The following LRFN5 variants were observed in gnomAD, a reference collection of about 807,000 sequenced individuals.
LRFN5 encodes leucine-rich repeat and fibronectin type-III domain-containing protein 5.
LRFN5 carries 24 observed loss-of-function variants against 45.6 expected under a neutral mutation model. The observed-to-expected ratio is 0.53, with a 90% CI of 0.38 to 0.74. The LOEUF (loss-of-function observed/expected upper bound fraction) is 0.74, where lower values mean the gene tolerates loss of function less well. LRFN5 is among the 30% of genes least tolerant of loss of function. LRFN5 has a pLI of 0.00. For synonymous variants in LRFN5, 340 were observed against 313.8 expected (o/e 1.08, Z -0.88); for missense variants, 776 against 861.5 (o/e 0.90, Z 1.24).
intron 1 of LRFN5, among the ~76,000 whole-genome samples, chr14:41,650,629 C>T (rs972675320): frequency 3.3e-5 from 5 of 151,934 alleles, no homozygotes; most frequent in African/African-American, 1.2e-4. Context: ...ATTGAATAAT[C>T]TCTTTTAAGG....
chr14:41,710,213 A>G (rs1883226399), intron 1 of LRFN5, among the ~76,000 whole-genome samples: 1 of 152,204 alleles, frequency 6.6e-6, no homozygotes, highest in African/African-American at 2.4e-5. Flanking sequence ...GCAAGAAAGT[A>G]TCAATACATT....
intron 1 of LRFN5, among the ~76,000 whole-genome samples, chr14:41,705,906 G>A (rs965820528): frequency 2.0e-5 from 3 of 152,166 alleles, no homozygotes; most frequent in African/African-American, 2.4e-5. Flanking sequence ...TGTGTTCAAC[G>A]TATACACATT....
chr14:41,622,245 A>C (rs1054533370), intron 1 of LRFN5, among the ~76,000 whole-genome samples: 1 of 151,926 alleles, frequency 6.6e-6, no homozygotes, highest in African/African-American at 2.4e-5. Context: ...TGGTTTGATA[A>C]TTAGTGTTTC....
intron 2 of LRFN5, among the ~76,000 whole-genome samples, chr14:41,775,378 C>A (rs1886252127): frequency 6.6e-6 from 1 of 152,090 alleles, no homozygotes; most frequent in Non-Finnish European, 1.5e-5. Context: ...CAAGCCACCG[C>A]ACCCGGCAGT....
chr14:41,658,823 A>G (rs1880495598), intron 1 of LRFN5, among the ~76,000 whole-genome samples: 1 of 151,938 alleles, frequency 6.6e-6, no homozygotes, highest in East Asian at 1.9e-4. Flanking sequence ...TAATATGTGT[A>G]ATTTTTATTA....
intron 1 of LRFN5, among the ~76,000 whole-genome samples, chr14:41,732,923 A>G (rs972779417): frequency 6.9e-6 from 1 of 145,486 alleles, no homozygotes; most frequent in Admixed American, 7.0e-5. Flanking sequence ...CTTATAGCTA[A>G]AAAGTACCAG....
chr14:41,784,715 G>A (rs748276074), intron 2 of LRFN5, among the ~76,000 whole-genome samples: 3 of 151,882 alleles, frequency 2.0e-5, no homozygotes, highest in Non-Finnish European at 2.9e-5. Context: ...TGTAAGCTTC[G>A]CCTCCTGGGT....
chr14:41,781,248 G>A (rs947864500), intron 2 of LRFN5, among the ~76,000 whole-genome samples: 5 of 152,060 alleles, frequency 3.3e-5, no homozygotes, highest in Non-Finnish European at 7.4e-5. Flanking sequence ...AAGGCCAAGT[G>A]TGTTGGTTCA....
chr14:41,847,652 T>C (rs1889116330), intron 2 of LRFN5, among the ~76,000 whole-genome samples: 1 of 152,060 alleles, frequency 6.6e-6, no homozygotes, highest in Non-Finnish European at 1.5e-5. Context: ...GATGAGAAAA[T>C]CAAAGTGAAG....
At chr14:41,712,997 G>A (rs1358092800) in intron 1 of LRFN5, among the ~76,000 whole-genome samples, 1 of 151,966 alleles carries the variant, frequency 6.6e-6, no homozygotes, top group African/African-American at 2.4e-5. Context: ...GAAAATAAAA[G>A]CCTGTGGTAT....
chr14:41,759,103 A>G (rs892763118), intron 1 of LRFN5, among the ~76,000 whole-genome samples: 1 of 152,098 alleles, frequency 6.6e-6, no homozygotes, highest in South Asian at 2.1e-4. Flanking sequence ...TTAGGATGGT[A>G]CATTTTAAAG....
At chr14:41,780,572 T>C (rs1423336981) in intron 2 of LRFN5, among the ~76,000 whole-genome samples, 1 of 150,328 alleles carries the variant, frequency 6.7e-6, no homozygotes, top group Non-Finnish European at 1.5e-5. Context: ...GTGTTCTTAA[T>C]TTAAAGTGGG....
At chr14:41,619,028 G>A (rs539679915) in intron 1 of LRFN5, among the ~76,000 whole-genome samples, 1 of 122,100 alleles carries the variant, frequency 8.2e-6, no homozygotes, top group East Asian at 2.5e-4. Flanking sequence ...TCTCTGAAAA[G>A]GTTTTCCTCT....
chr14:41,612,520 G>A (rs1887791329), intron 1 of LRFN5, among the ~76,000 whole-genome samples: 1 of 152,136 alleles, frequency 6.6e-6, no homozygotes, highest in African/African-American at 2.4e-5. Flanking sequence ...CCTTATAGGT[G>A]TGAGAGCCCC....
chr14:41,904,366 T>C lies in LRFN5; in HGVS notation c.*191T>C. The C allele has an allele frequency of 3.6e-6, 2 of 551,828 alleles. No individual in the cohort carries two copies. The highest frequency in any genetic ancestry group is 6.0e-6 in the Non-Finnish European group (2 of 331,468). The allele number at this position is 551,828 out of a possible 1,614,324, so 34.2% of individuals were successfully genotyped here. On this transcript the variant is annotated 3_prime_UTR_variant, in exon 6 of 6. Coordinates refer to ENST00000298119, the MANE Select transcript of LRFN5 (RefSeq NM_152447.5). The stretch of plus-strand genomic sequence containing the variant: ...CTCCATTAGACCATGGTTCATCCTC[T>C]TTTAAAACCAAATTTTTTTTTCTTC...
At chr14:41,815,295 C>G (rs951019026) in intron 2 of LRFN5, among the ~76,000 whole-genome samples, 4 of 151,864 alleles carry the variant, frequency 2.6e-5, no homozygotes, top group Admixed American at 6.6e-5. Flanking sequence ...GTGTAATGCC[C>G]CTCTTTATAT....
chr14:41,674,928 T>G (rs1162872289), intron 1 of LRFN5, among the ~76,000 whole-genome samples: 2 of 145,982 alleles, frequency 1.4e-5, no homozygotes, highest in Admixed American at 1.4e-4. Context: ...CCAGACGGGG[T>G]CGCGGCCGGG....
chr14:41,849,729 C>A (rs61988417), intron 2 of LRFN5, among the ~76,000 whole-genome samples: 2 of 151,858 alleles, frequency 1.3e-5, no homozygotes, highest in East Asian at 3.9e-4. Flanking sequence ...TCAGTTAATG[C>A]GTCGGCTCAA....
chr14:41,654,930 C>T (rs1023203708), intron 1 of LRFN5, among the ~76,000 whole-genome samples: 2 of 152,022 alleles, frequency 1.3e-5, no homozygotes, highest in Admixed American at 1.3e-4. Context: ...AACCACATGG[C>T]ACAGGTTTTC....
Sources: allele counts gnomAD v4.1 joint callset (sites outside exome capture counted in the v4.1 genomes callset), GRCh38; gene constraint gnomAD v4.1.1; transcripts MANE v1.5; gene names NCBI Gene and HGNC (gene_info 2026-07-23, HGNC 2026-07-21).